MDN1: variants seen among roughly 807,000 people sequenced by gnomAD.
The protein encoded by MDN1 is midasin.
In MDN1, 266 loss-of-function variants were observed where a neutral mutation model predicts 669.2. The observed-to-expected ratio is 0.40, with a 90% CI of 0.36 to 0.44. The LOEUF (loss-of-function observed/expected upper bound fraction) is 0.44. Among genes scored for constraint, MDN1 ranks in the 20% least tolerant of loss-of-function variants. The pLI is 1.00. For missense variants in MDN1, 5,940 were observed against 6,754.0 expected (o/e 0.88, Z 4.22); for synonymous variants, 2,385 against 2,457.1 (o/e 0.97, Z 0.87).
chr6:89,644,186 A>G lies in MDN1; in HGVS notation c.16610T>C (p.Ile5537Thr). ...VLDNPSSRDSILDIKVPIFKG... is the reference protein window; with the variant it reads ...VLDNPSSRDSTLDIKVPIFKG... ...AAATATCGGTACTTTAATGTCCAAG[A>G]TAGAATCCTGTCAACAAAAGACATT... is the stretch of plus-strand genomic sequence containing the variant. The change falls in exon 102 of 102, where the codon ATC (isoleucine) becomes ACC (threonine). Residue 5537 changes from isoleucine to threonine, a missense_variant. By Grantham distance (89) the Ile-to-Thr change is moderately conservative (BLOSUM62 -1). Coordinates refer to ENST00000369393, the MANE Select transcript of MDN1 (RefSeq NM_014611.3). 1 of 1,607,880 alleles carries G rather than the reference A, an allele frequency of 6.2e-7. No homozygotes were observed. Among genetic ancestry groups the G allele is most frequent in the East Asian group, 2.2e-5 (1 of 44,750 alleles).
chr6:89,818,827 CT>C (rs1769044857), intron 1 of MDN1, among the ~76,000 whole-genome samples: 1 of 150,360 alleles, frequency 6.7e-6, no homozygotes, highest in Non-Finnish European at 1.5e-5. Context: ...AAAAAAGTGT[CT>C]TCAACTCAGA....
At chr6:89,699,517 TAAAATG>T in intron 58 of MDN1, 78 bp downstream of exon 58, 1 of 1,451,222 alleles carries the variant, frequency 6.9e-7, no homozygotes, top group East Asian at 2.4e-5. Flanking sequence ...TGAGAATAAA[TAAAATG>T]TTTCCCAACC....
intron 45 of MDN1, 51 bp from the exon 46 acceptor site, chr6:89,714,802 CCAAAGGTGTAGCTCAG>C: frequency 2.0e-6 from 3 of 1,487,272 alleles, no homozygotes; most frequent in Non-Finnish European, 2.8e-6. Flanking sequence ...CCCAGTGCAA[CCAAAGGTGTAGCTCAG>C]CATCAGTCAG....
chr6:89,753,386 T>G, intron 22 of MDN1, 126 bp downstream of exon 22: 1 of 689,894 alleles, frequency 1.4e-6, no homozygotes, highest in Non-Finnish European at 2.5e-6. Flanking sequence ...CTGTAATGTT[T>G]AAACTTTTTG....
intron 31 of MDN1, among the ~76,000 whole-genome samples, chr6:89,741,822 C>T (rs563964228): frequency 3.9e-5 from 6 of 152,202 alleles, no homozygotes; most frequent in Admixed American, 2.0e-4. Context: ...TAGCCTCGGC[C>T]GGGCACAGTG....
rs2128313258 is a variant in MDN1 at position 89,719,200 on chromosome 6, A to T, written c.5993T>A (p.Phe1998Tyr). 1 of 1,613,644 alleles carries T rather than the reference A, an allele frequency of 6.2e-7. No individual in the cohort carries two copies. The highest frequency in any genetic ancestry group is 8.5e-7 in the Non-Finnish European group (1 of 1,179,552). The change falls in exon 41 of 102, where the codon TTT (phenylalanine) becomes TAT (tyrosine). Residue 1998 changes from phenylalanine to tyrosine, a missense_variant. Coordinates refer to ENST00000369393, the MANE Select transcript of MDN1 (RefSeq NM_014611.3). ...KKVIAVFKDV[F>Y]GSNSNPYMGT... ...CATGTATGGGTTGGAATTTGAACCA[A>T]ACACATCCTTGAATACAGCAATGAC...
chr6:89,677,621 T>G lies in MDN1; in HGVS notation c.12488A>C (p.Asp4163Ala), dbSNP rs1332535016. The G allele has an allele frequency of 6.2e-7, 1 of 1,614,042 alleles. No homozygotes were observed. Among genetic ancestry groups the G allele is most frequent in the Non-Finnish European group, 8.5e-7 (1 of 1,180,012 alleles). The change falls in exon 76 of 102, where the codon GAT becomes GCT. Residue 4163 changes from aspartate to alanine, a missense_variant. Physicochemically the swap from Asp to Ala is moderately radical, Grantham distance 126. Coordinates refer to ENST00000369393, the MANE Select transcript of MDN1 (RefSeq NM_014611.3). ...GACGATGGACAATGCGCTCTGGAGA[T>G]CTAATGGGTGAAGATGAAGCATCTC... is the stretch of plus-strand genomic sequence containing the variant. ...PQEMLHLHPL[D>A]LQSALSIVSS...
At chr6:89,755,008 G>C (rs1817168327) in intron 20 of MDN1, among the ~76,000 whole-genome samples, 1 of 152,032 alleles carries the variant, frequency 6.6e-6, no homozygotes, top group Admixed American at 6.5e-5. Context: ...TTAATATATG[G>C]AATATATACT....
chr6:89,678,512 A>G (rs1244782045), intron 75 of MDN1, 87 bp downstream of exon 75: 1 of 1,483,654 alleles, frequency 6.7e-7, no homozygotes, highest in African/African-American at 1.4e-5. Flanking sequence ...TCAACTGTCT[A>G]TGGAATTTCC....
rs1032610096 is a variant in MDN1 at position 89,695,004 on chromosome 6, C to T, written c.9771+601G>A. Among the ~76,000 whole-genome samples the T allele has an allele frequency of 2.0e-5, 3 of 152,126 alleles. No homozygotes were observed. The highest frequency in any genetic ancestry group is 2.1e-4 in the South Asian group (1 of 4,822). ...ATCCCAGCACTTTGGGAGGCCAAGG[C>T]GGGTGGATCACTTGAGGTCAGAATT... On this transcript the variant is annotated intron_variant, in intron 61 of 101. Coordinates refer to ENST00000369393, the MANE Select transcript of MDN1 (RefSeq NM_014611.3). This position sits in a 1 kb window ranked among gnomAD's most constrained non-coding sequence, Gnocchi z 4.1.
intron 62 of MDN1, among the ~76,000 whole-genome samples, 175 bp downstream of exon 62, chr6:89,693,899 C>T (rs1292758486): frequency 6.6e-6 from 1 of 152,188 alleles, no homozygotes; most frequent in Non-Finnish European, 1.5e-5. Context: ...TGAATAGCCC[C>T]CCTCTCCTCC....
chr6:89,729,677 G>GTTTTTTTTTTT (rs35914010), intron 35 of MDN1, among the ~76,000 whole-genome samples: 103 of 100,764 alleles, frequency 1.0e-3, no homozygotes, highest in South Asian at 1.5e-3. Flanking sequence ...TTTTGTTTTC[G>GTTTTTTTTTTT]TTTTTTTTTT....
At position 89,814,384 on chromosome 6, in the gene MDN1, C is replaced by T. The variant is rs1453953306; in HGVS notation, c.102+5122G>A. Among the ~76,000 whole-genome samples the T allele has an allele frequency of 2.9e-5, 4 of 137,908 alleles. No homozygotes were observed. The Admixed American group carries it at 3.0e-4, about 10-fold the overall frequency. 90.5% of individuals were successfully genotyped at this position (137,908 alleles called of 152,430 possible). A position where few individuals can be genotyped will look rare whatever the true frequency, so the allele number is the denominator to read the frequency against. ...TTTCAGGTGTTCTTTAATCCCCCTCCTTTTTTTTTTTTTTTTGGTAGAGAC... is the reference window on the plus strand; with the variant it reads ...TTTCAGGTGTTCTTTAATCCCCCTCTTTTTTTTTTTTTTTTTGGTAGAGAC... On this transcript the variant is annotated intron_variant, in intron 1 of 101. Transcript: ENST00000369393.
intron 1 of MDN1, among the ~76,000 whole-genome samples, chr6:89,807,851 A>AG (rs145529561): frequency 2.6e-5 from 4 of 152,286 alleles, no homozygotes; most frequent in Non-Finnish European, 5.9e-5. Flanking sequence ...ATCTTCAATG[A>AG]GGCCTATCCA....
chr6:89,735,755 C>T (rs1815930915), intron 33 of MDN1, among the ~76,000 whole-genome samples: 1 of 152,108 alleles, frequency 6.6e-6, no homozygotes. Context: ...GGCATGGTGG[C>T]TCACACCTAT....
At chr6:89,689,513 TC>T (rs1812238659) in intron 65 of MDN1, among the ~76,000 whole-genome samples, 2 of 152,210 alleles carry the variant, frequency 1.3e-5, no homozygotes, top group South Asian at 4.1e-4. Context: ...TTATTTCATT[TC>T]AAAAGCACTA....
rs574706122 is a variant in MDN1, at chr6:89,693,018, C to T, written c.10012G>A (p.Ala3338Thr). ...QEIHHYVTSI[A>T]KAPAVQDLLT... ...AGATCCTGAACAGCAGGGGCCTTGGCGATGCTGGTGACGTAGTGGTGGATC... is the reference window on the plus strand; with the variant it reads ...AGATCCTGAACAGCAGGGGCCTTGGTGATGCTGGTGACGTAGTGGTGGATC... The change falls in exon 63 of 102, where the codon GCC becomes ACC. Residue 3338 changes from alanine to threonine, a missense_variant. By Grantham distance (58) the Ala-to-Thr change is moderately conservative. Transcript: ENST00000369393. The T allele has an allele frequency of 1.8e-5, 29 of 1,614,142 alleles. 1 individual carries two copies. The South Asian group carries it at 2.2e-4, about 12-fold the overall frequency.
In MDN1 at chr6:89,813,923, T is replaced by C. The variant is rs1284267903; in HGVS notation, c.102+5583A>G. Among the ~76,000 whole-genome samples the C allele has an allele frequency of 8.1e-5, 11 of 136,638 alleles. No individual in the cohort carries two copies. In the East Asian group the frequency reaches 2.0e-3, roughly 24 times the overall value. 89.6% of individuals were successfully genotyped at this position (136,638 alleles called of 152,430 possible). On this transcript the variant is annotated intron_variant, in intron 1 of 101. Coordinates refer to ENST00000369393, the MANE Select transcript of MDN1 (RefSeq NM_014611.3). The stretch of plus-strand genomic sequence containing the variant: ...GCAAGACCTTGTTTCTACCTAAGAT[T>C]TAAAAAAAAAAAAAAAAAAATTAGC...
At chr6:89,817,182 T>G (rs1768896938) in intron 1 of MDN1, among the ~76,000 whole-genome samples, 1 of 152,176 alleles carries the variant, frequency 6.6e-6, no homozygotes, top group African/African-American at 2.4e-5. Context: ...CCCTAAAATG[T>G]ATAAAACCAA....
Sources: allele counts gnomAD v4.1 joint callset (sites outside exome capture counted in the v4.1 genomes callset), GRCh38; gene constraint gnomAD v4.1.1; non-coding constraint Gnocchi (gnomAD v3.1); transcripts MANE v1.5; gene names NCBI Gene and HGNC (gene_info 2026-07-23, HGNC 2026-07-21).